Variants in NDUFAF1 observed in about 807,000 individuals in gnomAD.
NDUFAF1 encodes the protein NADH:ubiquinone oxidoreductase complex assembly factor 1.
Under a neutral mutation model 28.7 loss-of-function variants are expected in NDUFAF1, and 18 were observed. The observed-to-expected ratio is 0.63, with a 90% CI of 0.43 to 0.93. The LOEUF (loss-of-function observed/expected upper bound fraction) is 0.93, where lower values mean the gene tolerates loss of function less well. Ranked by LOEUF, NDUFAF1 falls within the 40% of genes least tolerant of loss-of-function variation. NDUFAF1 has a pLI of 0.00. For missense variants in NDUFAF1, 404 were observed against 398.3 expected, an observed-to-expected ratio of 1.01 and a Z score of -0.12; for synonymous variants, 113 against 139.7, an observed-to-expected ratio of 0.81 and a Z score of 1.35.
chr15:41,395,007 T>A lies in NDUFAF1; in HGVS notation c.611A>T (p.Gln204Leu). ...FERKMSYDWS[Q>L]FNTLYLRVRG... Reference sequence around the variant, plus strand: ...TACACGGAGATACAGAGTATTGAACTGGGACCAATCGTAAGACATCTTCCT... The same window carrying A: ...TACACGGAGATACAGAGTATTGAACAGGGACCAATCGTAAGACATCTTCCT... Residue 204 changes from glutamine (Q) to leucine (L), a missense_variant, in exon 3 of 5, where the codon CAG becomes CTG. By Grantham distance (113) the Gln-to-Leu change is moderately radical. Transcript: ENST00000260361. 1 of 1,614,166 alleles carries A rather than the reference T, an allele frequency of 6.2e-7. No homozygotes were observed. Among genetic ancestry groups the A allele is most frequent in the Non-Finnish European group, 8.5e-7 (1 of 1,180,026 alleles).
chr15:41,389,007 C>T (rs540483896), intron 3 of NDUFAF1, among the ~76,000 whole-genome samples: 116 of 152,170 alleles, frequency 7.6e-4, no homozygotes, highest in African/African-American at 2.7e-3. Flanking sequence ...TATTCATCAA[C>T]TTTATTTTCA....
At position 41,394,961 on chromosome 15, in the gene NDUFAF1, C is replaced by G. The variant is rs1438657324; in HGVS notation, c.657G>C (p.Trp219Cys). 6.2e-7 allele frequency: 1 copy of G among 1,614,138 alleles called. No individual in the cohort carries two copies. Among genetic ancestry groups the G allele is most frequent in the Admixed American group, 1.7e-5 (1 of 60,002 alleles). Residue 219 changes from tryptophan (W) to cysteine (C), a missense_variant, in exon 3 of 5, where the codon TGG becomes TGC. Physicochemically the swap from Trp to Cys is radical, Grantham distance 215. Coordinates refer to ENST00000260361, the MANE Select transcript of NDUFAF1 (RefSeq NM_016013.4). ...YLRVRGDGRP[W>C]MVNIKEDTDF... Reference sequence around the variant, plus strand: ...CTGTGTCCTCCTTGATATTCACCATCCAAGGCCGACCATCCCCACGTACAC... The same window carrying G: ...CTGTGTCCTCCTTGATATTCACCATGCAAGGCCGACCATCCCCACGTACAC...
At position 41,402,274 on chromosome 15, in the gene NDUFAF1, G is replaced by A. The variant is rs1234778457; in HGVS notation, c.-212C>T. The A allele has an allele frequency of 2.0e-5, 9 of 453,980 alleles. No individual in the cohort carries two copies. The highest frequency in any genetic ancestry group is 4.7e-5 in the Admixed American group (2 of 42,536). The allele number at this position is 453,980 out of a possible 1,614,324, so 28.1% of individuals were successfully genotyped here. A position where few individuals can be genotyped will look rare whatever the true frequency, so the allele number is the denominator to read the frequency against. On this transcript the variant is annotated 5_prime_UTR_variant, in exon 1 of 5. Transcript: ENST00000260361. ...GGCTAATTTACCCGAGGTCACACAG[G>A]TAGTGAGTGGCAAAATTCTTCCGCC...
intron 4 of NDUFAF1, 36 bp from the exon 5 acceptor site, chr15:41,387,629 T>G: frequency 1.3e-6 from 2 of 1,512,364 alleles, no homozygotes; most frequent in Non-Finnish European, 1.8e-6. Flanking sequence ...TAAAATCTCA[T>G]ACAGTGACGT....
chr15:41,395,508 T>C (rs35833083), intron 2 of NDUFAF1, among the ~76,000 whole-genome samples: 24,541 of 150,488 alleles, frequency 0.16, 3,097 homozygotes, highest in East Asian at 0.62. Context: ...TAGCTGGTAC[T>C]ATAGGCGCCC....
intron 2 of NDUFAF1, 64 bp downstream of exon 2, chr15:41,396,423 G>A (rs963294524): frequency 7.4e-5 from 110 of 1,494,940 alleles, no homozygotes; most frequent in Non-Finnish European, 8.7e-5. Flanking sequence ...ATCTTCTATA[G>A]TTTATGCTAC....
chr15:41,392,748 A>G (rs982970300), intron 3 of NDUFAF1, among the ~76,000 whole-genome samples: 1 of 152,170 alleles, frequency 6.6e-6, no homozygotes, highest in Admixed American at 6.6e-5. Context: ...AGTCTCAGGT[A>G]TTTCTTCATA....
chr15:41,392,021 G>A (rs1263852671), intron 3 of NDUFAF1, among the ~76,000 whole-genome samples: 3 of 151,708 alleles, frequency 2.0e-5, no homozygotes, highest in South Asian at 4.2e-4. Context: ...ACAGGGGTCC[G>A]ATATTGTAGG....
chr15:41,402,002 T>C (rs1302638873), intron 1 of NDUFAF1, 142 bp downstream of exon 1: 6 of 269,394 alleles, frequency 2.2e-5, no homozygotes, highest in African/African-American at 1.1e-4. Context: ...AAATGCTTTG[T>C]TTCATTTTTT....
intron 3 of NDUFAF1, among the ~76,000 whole-genome samples, chr15:41,394,558 C>G (rs567513770): frequency 3.4e-4 from 51 of 151,404 alleles, no homozygotes; most frequent in African/African-American, 1.1e-3. Flanking sequence ...CCCACCCACC[C>G]CCACCTTCCA....
intron 3 of NDUFAF1, chr15:41,394,398 C>T (rs1337770850): frequency 1.6e-6 from 2 of 1,288,518 alleles, no homozygotes; most frequent in African/African-American, 1.5e-5. Flanking sequence ...AAAAAACAAA[C>T]AAACCCCATC....
chr15:41,402,890 C>A (rs2050484775), upstream of NDUFAF1, among the ~76,000 whole-genome samples: 1 of 151,826 alleles, frequency 6.6e-6, no homozygotes, highest in African/African-American at 2.4e-5. Context: ...CGCCATCATG[C>A]CCGACTAATT....
Position 41,387,576 on chromosome 15 carries a change from G to T in NDUFAF1, c.852C>A (p.Phe284Leu). Residue 284 changes from phenylalanine to leucine, a missense_variant, in exon 5 of 5, where the codon TTC (phenylalanine) becomes TTA (leucine). Transcript: ENST00000260361. ...GACCATCCACTTTATCAGCCAAGGT[G>T]AATCCTATAGAAGAGATCTAAATTT... ...LPLDKISSIGFTLADKVDGPF... is the reference protein window; with the variant it reads ...LPLDKISSIGLTLADKVDGPF... The T allele has an allele frequency of 6.2e-7, 1 of 1,608,722 alleles. No homozygotes were observed. Among genetic ancestry groups the T allele is most frequent in the Non-Finnish European group, 8.5e-7 (1 of 1,175,158 alleles).
intron 1 of NDUFAF1, among the ~76,000 whole-genome samples, chr15:41,399,620 G>A (rs149493672): frequency 6.6e-5 from 10 of 150,930 alleles, no homozygotes; most frequent in East Asian, 5.9e-4. Flanking sequence ...TTTGGGAGGC[G>A]GAGGCGGGCG....
intron 1 of NDUFAF1, among the ~76,000 whole-genome samples, chr15:41,397,455 G>A (rs1050145149): frequency 1.9e-4 from 29 of 152,016 alleles, no homozygotes; most frequent in Admixed American, 3.3e-4. Flanking sequence ...CCCTGGCCAG[G>A]CACGGTCCCA....
At chr15:41,397,557 G>T (rs747629805) in intron 1 of NDUFAF1, among the ~76,000 whole-genome samples, 77 of 151,992 alleles carry the variant, frequency 5.1e-4, no homozygotes, top group Non-Finnish European at 4.1e-4. Context: ...CCCAGCACTT[G>T]GGGAGGCCGA....
At chr15:41,397,535 G>A (rs1033274223) in intron 1 of NDUFAF1, among the ~76,000 whole-genome samples, 1 of 152,120 alleles carries the variant, frequency 6.6e-6, no homozygotes, top group Non-Finnish European at 1.5e-5. Flanking sequence ...CGCGGTGGCT[G>A]ACGCCTGTAA....
chr15:41,396,896 G>A lies in NDUFAF1; in HGVS notation c.164C>T (p.Thr55Ile), dbSNP rs753669866. The A allele has an allele frequency of 9.3e-6, 15 of 1,613,944 alleles. No homozygotes were observed. In the African/African-American group the frequency reaches 1.7e-4, roughly 19 times the overall value. Residue 55 changes from threonine (T) to isoleucine (I), a missense_variant, in exon 2 of 5, where the codon ACT (threonine) becomes ATT (isoleucine). Physicochemically the swap from Thr to Ile is moderately conservative, Grantham distance 89. Transcript: ENST00000260361. ...GTGATCTCCTTGCAAATCCCCTTCA[G>A]TCTTCCTCTGTGAGGAGGCTTTGCC... ...SPGKASSQRK[T>I]EGDLQGDHQK...
intron 4 of NDUFAF1, 109 bp from the exon 5 acceptor site, chr15:41,387,702 T>G: frequency 3.5e-6 from 3 of 859,616 alleles, no homozygotes; most frequent in Non-Finnish European, 5.7e-6. Flanking sequence ...GTTTTAATGC[T>G]ATCAGCCCTT....
Sources: gnomAD v4.1 joint callset for allele counts (sites outside exome capture counted in the v4.1 genomes callset) on GRCh38, gnomAD v4.1.1 for gene constraint, MANE v1.5 for transcripts, NCBI Gene and HGNC (gene_info 2026-07-23, HGNC 2026-07-21) for gene names.